The following POLR1D variants were observed in gnomAD, a reference collection of about 807,000 sequenced individuals.
POLR1D encodes RNA polymerase I and III subunit D, also known as DNA-directed RNA polymerases I and III subunit RPAC2.
POLR1D carries 8 observed loss-of-function variants against 10.8 expected under a neutral mutation model. The ratio of observed to expected loss-of-function variants is 0.74; its 90% CI spans 0.43 to 1.33. The LOEUF (loss-of-function observed/expected upper bound fraction) is 1.33. Ranked by LOEUF, POLR1D falls within the 40% of genes most tolerant of loss-of-function variation. POLR1D has a pLI of 0.01. For synonymous variants in POLR1D, 54 were observed against 57.2 expected, an observed-to-expected ratio of 0.94 and a Z score of 0.25; for missense variants, 152 against 161.7, an observed-to-expected ratio of 0.94 and a Z score of 0.32.
intron 2 of POLR1D, chr13:27,665,559 A>G: frequency 1.2e-6 from 1 of 852,072 alleles, no homozygotes; most frequent in Admixed American, 1.9e-5. Context: ...ATGCAAGGAA[A>G]GCTAACAAAT....
At chr13:27,642,265 C>G (rs1384132999) in intron 1 of POLR1D, among the ~76,000 whole-genome samples, 1 of 152,192 alleles carries the variant, frequency 6.6e-6, no homozygotes, top group Non-Finnish European at 1.5e-5. Context: ...TCAAAGTCCT[C>G]AATCCTGACA....
exon 3 of POLR1D, chr13:27,665,822 G>C: frequency 6.2e-7 from 1 of 1,614,198 alleles, no homozygotes; most frequent in Non-Finnish European, 8.5e-7. Flanking sequence ...GGCCCAGAAA[G>C]AAGAAAACCC....
chr13:27,638,218 G>A (rs1956144171), intron 1 of POLR1D, among the ~76,000 whole-genome samples: 1 of 152,186 alleles, frequency 6.6e-6, no homozygotes. Context: ...TGCCTCTAAG[G>A]CAGGACTGTG....
At chr13:27,656,479 A>G (rs1443107998) in intron 2 of POLR1D, among the ~76,000 whole-genome samples, 1 of 151,208 alleles carries the variant, frequency 6.6e-6, no homozygotes, top group Non-Finnish European at 1.5e-5. Context: ...TGTAAACAGA[A>G]TGACAAAGAT....
At chr13:27,655,541 G>A (rs975947111) in intron 2 of POLR1D, among the ~76,000 whole-genome samples, 17 of 152,088 alleles carry the variant, frequency 1.1e-4, no homozygotes, top group African/African-American at 4.1e-4. Context: ...TTAGATTCAG[G>A]TCAAACTTGT....
chr13:27,644,548 T>A (rs1216817027), intron 1 of POLR1D, among the ~76,000 whole-genome samples: 6 of 152,228 alleles, frequency 3.9e-5, no homozygotes, highest in Non-Finnish European at 7.3e-5. Flanking sequence ...GAAAATTGAT[T>A]GTGGTTTGTT....
intron 1 of POLR1D, among the ~76,000 whole-genome samples, chr13:27,635,721 T>C (rs866889142): frequency 1.6e-5 from 2 of 124,814 alleles, no homozygotes; most frequent in African/African-American, 2.9e-5. Context: ...TATATATATA[T>C]ATATACATAC....
intron 1 of POLR1D, among the ~76,000 whole-genome samples, chr13:27,634,930 C>G (rs533180510): frequency 6.6e-6 from 1 of 152,194 alleles, no homozygotes; most frequent in South Asian, 2.1e-4. Context: ...CTGCCTTGGC[C>G]TCTCAAAGTG....
chr13:27,636,908 TTAAAG>T (rs1242907881), intron 1 of POLR1D, among the ~76,000 whole-genome samples: 2 of 152,222 alleles, frequency 1.3e-5, no homozygotes, highest in Non-Finnish European at 2.9e-5. Context: ...GTACGGCTAC[TTAAAG>T]TATAGTTTTA....
rs191442996 is a variant in POLR1D at position 27,632,644 on chromosome 13, C to A, written c.26+10635C>A. Among the ~76,000 whole-genome samples, 214 of 150,410 alleles carry A rather than the reference C, an allele frequency of 1.4e-3. 1 individual carries two copies. Among genetic ancestry groups the A allele is most frequent in the African/African-American group, 4.9e-3 (200 of 41,138 alleles). On this transcript the variant is annotated intron_variant, in intron 1 of 2. Transcript: ENST00000399697. ...TTTACCTCATTAAAATTGCAGCACC[C>A]CCCGCCCCCCAGCACTCCTACCTTG...
exon 3 of POLR1D, chr13:27,665,978 C>T (rs773170037): frequency 4.3e-6 from 7 of 1,611,596 alleles, no homozygotes; most frequent in Non-Finnish European, 5.9e-6. Context: ...CCAGCCAGCC[C>T]TGCGGGCCTC....
At chr13:27,661,957 C>T (rs1009890002) in intron 2 of POLR1D, among the ~76,000 whole-genome samples, 4 of 152,066 alleles carry the variant, frequency 2.6e-5, no homozygotes, top group Admixed American at 2.6e-4. Context: ...TTGAGATAGC[C>T]GGGAATCTGA....
At chr13:27,634,360 C>T (rs959227997) in intron 1 of POLR1D, among the ~76,000 whole-genome samples, 2 of 152,124 alleles carry the variant, frequency 1.3e-5, no homozygotes, top group Admixed American at 6.5e-5. Flanking sequence ...CTTCCTATTT[C>T]CTTGTTCTAA....
intron 2 of POLR1D, among the ~76,000 whole-genome samples, chr13:27,659,097 G>A (rs1566152982): frequency 6.6e-6 from 1 of 152,116 alleles, no homozygotes; most frequent in Non-Finnish European, 1.5e-5. Context: ...CACCCATCTT[G>A]TTCTTCCAGT....
At chr13:27,622,210 T>C (rs1955945552) in intron 1 of POLR1D, 2 of 614,520 alleles carry the variant, frequency 3.3e-6, no homozygotes, top group Non-Finnish European at 5.8e-6. Flanking sequence ...GGAAGACAAG[T>C]TGGGAGACCA....
rs137948110 is a variant in POLR1D at position 27,645,530 on chromosome 13, A to T, written c.27-2849A>T. ...TGGTAATAACTATGTTATCATGGTT[A>T]TATAGAATAGTACTTGGTATACTTA... On this transcript the variant is annotated intron_variant, in intron 1 of 2. Transcript: ENST00000399697. Among the ~76,000 whole-genome samples, 840 of 152,260 alleles carry T rather than the reference A, an allele frequency of 5.5e-3. 3 individuals are homozygous for T. The highest frequency in any genetic ancestry group is 0.019 in the African/African-American group (789 of 41,542).
chr13:27,635,980 G>A (rs1956121792), intron 1 of POLR1D, among the ~76,000 whole-genome samples: 1 of 152,030 alleles, frequency 6.6e-6, no homozygotes, highest in East Asian at 1.9e-4. Flanking sequence ...TCTTCTAAAA[G>A]CACTGAGAGG....
Position 27,623,004 on chromosome 13 carries a change from A to G in POLR1D, c.156A>G (p.Gly52=), listed in dbSNP as rs1955965597. Residue 52 remains glycine (G), a synonymous_variant, in exon 2 of 2, where the codon GGA becomes GGG. Coordinates refer to ENST00000302979, the MANE Select transcript of POLR1D (RefSeq NM_015972.4). ...TGCACGAGGAAGACCATACCCTAGG[A>G]AATTCTCTACGTTACATGATCATGA... ...FVLHEEDHTL[G]NSLRYMIMKN... The G allele has an allele frequency of 6.2e-7, 1 of 1,614,058 alleles. No individual in the cohort carries two copies.
intron 2 of POLR1D, chr13:27,665,412 C>T (rs1956405668): frequency 2.1e-6 from 1 of 473,752 alleles, no homozygotes; most frequent in African/African-American, 1.9e-5. Context: ...GTGGTCAATA[C>T]CTGTACATAT....
Sources: gnomAD v4.1 joint callset for allele counts (sites outside exome capture counted in the v4.1 genomes callset) on GRCh38, gnomAD v4.1.1 for gene constraint, MANE v1.5 for transcripts, NCBI Gene and HGNC (gene_info 2026-07-23, HGNC 2026-07-21) for gene names.